WWOX: variants seen among roughly 807,000 people sequenced by gnomAD.
WWOX encodes the protein WW domain containing oxidoreductase, also known as WW domain-containing oxidoreductase.
WWOX carries 69 observed loss-of-function variants against 46.2 expected under a neutral mutation model. The observed-to-expected ratio is 1.49, with a 90% CI of 1.23 to 1.82. The LOEUF (loss-of-function observed/expected upper bound fraction) is 1.82. WWOX is among the 40% of genes most tolerant of loss of function. The pLI, the probability that WWOX is intolerant of heterozygous loss-of-function variation, is 0.00. For missense variants in WWOX, 919 were observed against 542.6 expected (o/e 1.69, Z -6.89); for synonymous variants, 359 against 202.6 (o/e 1.77, Z -6.56).
Position 78,722,459 on chromosome 16 carries a change from G to A in WWOX, c.1056+289707G>A, listed in dbSNP as rs964849299. Reference sequence around the variant, plus strand: ...CAGCAGTTGTCAAGTACTTGGCATAGTTCCTGTCACATAGGAAGCATCCAG... The same window carrying A: ...CAGCAGTTGTCAAGTACTTGGCATAATTCCTGTCACATAGGAAGCATCCAG... On this transcript the variant is annotated intron_variant, in intron 8 of 8. Transcript: ENST00000566780. Among the ~76,000 whole-genome samples, 3 of 152,154 alleles carry A rather than the reference G, an allele frequency of 2.0e-5. No homozygotes were observed. The East Asian group carries it at 5.8e-4, about 29-fold the overall frequency.
chr16:78,724,690 C>T (rs918901631), intron 8 of WWOX, among the ~76,000 whole-genome samples: 1 of 152,150 alleles, frequency 6.6e-6, no homozygotes, highest in African/African-American at 2.4e-5. Flanking sequence ...CAGCTCGTCA[C>T]CCTTGAGATT....
intron 8 of WWOX, among the ~76,000 whole-genome samples, chr16:78,877,818 C>T (rs535424512): frequency 2.0e-5 from 3 of 152,274 alleles, no homozygotes; most frequent in African/African-American, 7.2e-5. Context: ...ATGTCCAACT[C>T]ACTCTACCAC....
At position 78,703,247 on chromosome 16, in the gene WWOX, C is replaced by T. The variant is rs539153597; in HGVS notation, c.1056+270495C>T. ...TGTGTGTCATAACTACCCACATTCA[C>T]CCCGGCAGCCCATCTACCTTGTTTC... On this transcript the variant is annotated intron_variant, in intron 8 of 8. Transcript: ENST00000566780. 4.8e-4 allele frequency among the ~76,000 whole-genome samples: 73 copies of T among 152,254 alleles called. 1 individual carries two copies. The highest frequency in any genetic ancestry group is 6.3e-4 in the Non-Finnish European group (43 of 68,016).
chr16:78,115,239 G>T, intron 4 of WWOX, 85 bp downstream of exon 4: 1 of 1,511,492 alleles, frequency 6.6e-7, no homozygotes, highest in Non-Finnish European at 9.2e-7. Flanking sequence ...TTTGTTTAGT[G>T]GTTCTCTGAT....
intron 5 of WWOX, among the ~76,000 whole-genome samples, chr16:78,304,101 C>T (rs1218839805): frequency 6.6e-6 from 1 of 152,204 alleles, no homozygotes; most frequent in Non-Finnish European, 1.5e-5. Context: ...GGTGCTCCTT[C>T]TCCAAGAAAC....
At chr16:78,859,546 G>C (rs543521908) in intron 8 of WWOX, among the ~76,000 whole-genome samples, 2 of 152,296 alleles carry the variant, frequency 1.3e-5, no homozygotes, top group African/African-American at 2.4e-5. Context: ...GTTGCTGTTA[G>C]TAAAACTTCA....
intron 8 of WWOX, among the ~76,000 whole-genome samples, chr16:78,543,579 A>G (rs1395206484): frequency 1.3e-5 from 2 of 152,208 alleles, no homozygotes; most frequent in African/African-American, 4.8e-5. Context: ...GAAGCACTGT[A>G]TTGAGCATAC....
intron 8 of WWOX, among the ~76,000 whole-genome samples, chr16:78,783,829 T>A (rs2050388586): frequency 6.9e-6 from 1 of 144,538 alleles, no homozygotes; most frequent in Non-Finnish European, 1.6e-5. Flanking sequence ...GATAAGATGC[T>A]GATGGTGGTG....
chr16:78,122,817 C>G (rs1007577090), intron 4 of WWOX, among the ~76,000 whole-genome samples: 2 of 152,112 alleles, frequency 1.3e-5, no homozygotes, highest in African/African-American at 4.8e-5. Flanking sequence ...GTTGGCCAAG[C>G]TGGTCTTGAA....
At chr16:78,878,196 A>G (rs1163864978) in intron 8 of WWOX, among the ~76,000 whole-genome samples, 1 of 152,166 alleles carries the variant, frequency 6.6e-6, no homozygotes, top group Non-Finnish European at 1.5e-5. Context: ...AGGACAGACC[A>G]TGGATGGAAA....
At chr16:78,617,706 A>C in intron 8 of WWOX, among the ~76,000 whole-genome samples, 1 of 152,076 alleles carries the variant, frequency 6.6e-6, no homozygotes, top group Non-Finnish European at 1.5e-5. Context: ...CATTCTTCCC[A>C]GTCCCAGGAA....
At chr16:79,136,778 C>G (rs2049989377) in intron 8 of WWOX, among the ~76,000 whole-genome samples, 3 of 152,184 alleles carry the variant, frequency 2.0e-5, no homozygotes. Context: ...TTGAAGCCAA[C>G]AAAATTCAAT....
At chr16:78,845,210 CTG>C (rs1387294314) in intron 8 of WWOX, among the ~76,000 whole-genome samples, 2 of 146,198 alleles carry the variant, frequency 1.4e-5, no homozygotes, top group African/African-American at 5.0e-5. Flanking sequence ...CCATTCATAA[CTG>C]TGAAAAAATA....
In WWOX at chr16:78,350,291, T is replaced by A. The variant is rs769836481; in HGVS notation, c.517-36569T>A. ...ATTTTCTCAAGCTACTTTATTGATATATAACACAGATACATAAACTTTGCC... is the reference window on the plus strand; with the variant it reads ...ATTTTCTCAAGCTACTTTATTGATAAATAACACAGATACATAAACTTTGCC... On this transcript the variant is annotated intron_variant, in intron 5 of 8. Transcript: ENST00000566780. Among the ~76,000 whole-genome samples, 69 of 121,788 alleles carry A rather than the reference T, an allele frequency of 5.7e-4. 16 individuals are homozygous for A. Among genetic ancestry groups the A allele is most frequent in the African/African-American group, 1.8e-3 (64 of 35,946 alleles). The allele number at this position is 121,788 out of a possible 152,430, so 79.9% of individuals were successfully genotyped here. A position where few individuals can be genotyped will look rare whatever the true frequency, so the allele number is the denominator to read the frequency against.
At chr16:78,604,082 T>A (rs1311571167) in intron 8 of WWOX, among the ~76,000 whole-genome samples, 1 of 152,128 alleles carries the variant, frequency 6.6e-6, no homozygotes, top group African/African-American at 2.4e-5. Context: ...AGGTGGAGGC[T>A]GCAGTGAGCT....
chr16:79,099,394 G>A (rs555423346), intron 8 of WWOX, among the ~76,000 whole-genome samples: 6 of 152,280 alleles, frequency 3.9e-5, no homozygotes, highest in East Asian at 1.9e-4. Context: ...CCTTACTGCC[G>A]GGGAGACCAT....
At chr16:78,949,100 G>A (rs187257407) in intron 8 of WWOX, among the ~76,000 whole-genome samples, 162 of 152,248 alleles carry the variant, frequency 1.1e-3, no homozygotes, top group Non-Finnish European at 2.0e-3. Context: ...GGAAAACGGG[G>A]ACCTCAGTTC....
At chr16:79,106,239 A>G (rs2049305421) in intron 8 of WWOX, among the ~76,000 whole-genome samples, 1 of 152,220 alleles carries the variant, frequency 6.6e-6, no homozygotes, top group African/African-American at 2.4e-5. Context: ...ACTGCCTTAA[A>G]TAAACTTCTT....
chr16:78,992,715 G>C lies in WWOX; in HGVS notation c.1057-218893G>C, dbSNP rs975036407. 6.6e-5 allele frequency among the ~76,000 whole-genome samples: 10 copies of C among 152,064 alleles called. No individual in the cohort carries two copies. In the East Asian group the frequency reaches 1.9e-3, roughly 29 times the overall value. On this transcript the variant is annotated intron_variant, in intron 8 of 8. Transcript: ENST00000566780. The stretch of plus-strand genomic sequence containing the variant: ...AAGAAAGATCACTTCATATGCATTA[G>C]CTGGAAGGTAGCAAGAGGAAATCGC...
Sources: gnomAD v4.1 joint callset for allele counts (sites outside exome capture counted in the v4.1 genomes callset) on GRCh38, gnomAD v4.1.1 for gene constraint, MANE v1.5 for transcripts, NCBI Gene and HGNC (gene_info 2026-07-23, HGNC 2026-07-21) for gene names.